The following IARS1 variants were observed in gnomAD, a reference collection of about 807,000 sequenced individuals.
The protein encoded by IARS1 is isoleucyl-tRNA synthetase 1.
Under a neutral mutation model 168.2 loss-of-function variants are expected in IARS1, and 124 were observed. The ratio of observed to expected loss-of-function variants is 0.74; its 90% CI spans 0.64 to 0.86. The LOEUF (loss-of-function observed/expected upper bound fraction) is 0.86. IARS1 is among the 40% of genes least tolerant of loss of function. IARS1 has a pLI of 0.00. For synonymous variants in IARS1, 532 were observed against 529.4 expected, an observed-to-expected ratio of 1.00 and a Z score of -0.07; for missense variants, 1,452 against 1,515.8, an observed-to-expected ratio of 0.96 and a Z score of 0.70.
At chr9:92,230,545 C>T (rs1826505391) in intron 30 of IARS1, among the ~76,000 whole-genome samples, 1 of 152,124 alleles carries the variant, frequency 6.6e-6, no homozygotes. Context: ...ATATCTGGGT[C>T]ATCTATAGTT....
At chr9:92,253,958 G>C in intron 20 of IARS1, 1 of 446,946 alleles carries the variant, frequency 2.2e-6, no homozygotes, top group South Asian at 1.6e-5. Flanking sequence ...TCAACGTTTG[G>C]AGAAACATTT....
At chr9:92,230,149 C>T (rs72750418) in intron 30 of IARS1, among the ~76,000 whole-genome samples, 4,636 of 151,042 alleles carry the variant, frequency 0.031, 110 homozygotes, top group South Asian at 0.079. Flanking sequence ...TTAGCTTTGT[C>T]GCTCAGGCTA....
chr9:92,223,464 CAGTA>C lies in IARS1; in HGVS notation c.3431_3434del (p.Leu1144Ter), dbSNP rs974379105. 3 of 1,613,080 alleles carry C rather than the reference CAGTA, an allele frequency of 1.9e-6. No homozygotes were observed. Among genetic ancestry groups the C allele is most frequent in the Admixed American group, 1.7e-5 (1 of 59,744 alleles). On this transcript the variant is annotated frameshift_variant, in exon 32 of 34. Transcript: ENST00000443024. LOFTEE classifies it high-confidence loss of function. ...CACAAAGTGTTTTTCCACTAAGACT[CAGTA>C]AGTCAGTTTGGTTTTGTATTTCTAA...
At chr9:92,269,053 G>A (rs534559838) in intron 13 of IARS1, among the ~76,000 whole-genome samples, 1 of 152,098 alleles carries the variant, frequency 6.6e-6, no homozygotes, top group South Asian at 2.1e-4. Flanking sequence ...CCCCCTCGAG[G>A]CTATCTTACT....
At chr9:92,280,612 T>G in intron 7 of IARS1, 134 bp downstream of exon 7, 1 of 513,938 alleles carries the variant, frequency 1.9e-6, no homozygotes, top group South Asian at 4.3e-5. Context: ...TGTTTAAAGT[T>G]ATTTTTCTAA....
At chr9:92,243,114 T>C (rs966824033) in intron 28 of IARS1, 102 bp downstream of exon 28, 15 of 757,812 alleles carry the variant, frequency 2.0e-5, no homozygotes, top group African/African-American at 8.6e-5. Context: ...TTGTTATGCA[T>C]TGATCACTAT....
chr9:92,288,084 A>T (rs373568908), intron 3 of IARS1, 42 bp downstream of exon 3: 15 of 1,577,260 alleles, frequency 9.5e-6, no homozygotes, highest in African/African-American at 8.2e-5. Context: ...TAATGCTTAT[A>T]AAAAAAATCA....
intron 10 of IARS1, among the ~76,000 whole-genome samples, chr9:92,273,540 T>C (rs1833385550): frequency 6.6e-6 from 1 of 152,182 alleles, no homozygotes; most frequent in Non-Finnish European, 1.5e-5. Flanking sequence ...AGCTGGATGA[T>C]GTGAAAAAAA....
intron 33 of IARS1, among the ~76,000 whole-genome samples, chr9:92,220,315 C>A: frequency 7.1e-6 from 1 of 141,110 alleles, no homozygotes; most frequent in African/African-American, 2.7e-5. Context: ...ATACCTAATG[C>A]TAGATGACGA....
chr9:92,265,342 A>G, intron 15 of IARS1, 138 bp downstream of exon 15: 1 of 853,924 alleles, frequency 1.2e-6, no homozygotes, highest in South Asian at 1.6e-5. Context: ...AGGCCACAAT[A>G]CTGCAATATG....
At chr9:92,264,475 T>A (rs1246464253) in intron 16 of IARS1, among the ~76,000 whole-genome samples, 2 of 152,146 alleles carry the variant, frequency 1.3e-5, no homozygotes. Flanking sequence ...CTCTCTCATA[T>A]GTATATTTTT....
chr9:92,266,131 A>G (rs984746625), intron 14 of IARS1, among the ~76,000 whole-genome samples: 41 of 152,350 alleles, frequency 2.7e-4, no homozygotes, highest in African/African-American at 8.7e-4. Flanking sequence ...CCTAGAGAGA[A>G]TCTTAAACAT....
intron 30 of IARS1, among the ~76,000 whole-genome samples, chr9:92,231,962 C>T (rs1826776569): frequency 6.6e-6 from 1 of 152,136 alleles, no homozygotes; most frequent in African/African-American, 2.4e-5. Context: ...TATGTTACCT[C>T]CACTACATAT....
At chr9:92,218,299 C>T (rs1437782031) in intron 33 of IARS1, among the ~76,000 whole-genome samples, 3,817 of 138,114 alleles carry the variant, frequency 0.028, 200 homozygotes, top group African/African-American at 0.1. Context: ...CTATCTATGA[C>T]AAACCCACAG....
chr9:92,239,848 G>A (rs1303350117), intron 30 of IARS1, among the ~76,000 whole-genome samples: 1 of 152,144 alleles, frequency 6.6e-6, no homozygotes, highest in Admixed American at 6.5e-5. Flanking sequence ...GTGGGTGGTG[G>A]TGGGGCCATA....
At chr9:92,221,537 G>A (rs1839660148) in intron 33 of IARS1, among the ~76,000 whole-genome samples, 1 of 152,230 alleles carries the variant, frequency 6.6e-6, no homozygotes, top group Non-Finnish European at 1.5e-5. Flanking sequence ...CATGTCTGAT[G>A]TGTAGCAGGA....
chr9:92,272,206 T>C (rs572855531), intron 10 of IARS1, among the ~76,000 whole-genome samples: 1 of 152,300 alleles, frequency 6.6e-6, no homozygotes, highest in South Asian at 2.1e-4. Flanking sequence ...TGCCTAAATA[T>C]AAAATTAAAG....
chr9:92,217,481 AG>A (rs1838912967), intron 33 of IARS1, among the ~76,000 whole-genome samples: 1 of 141,624 alleles, frequency 7.1e-6, no homozygotes, highest in African/African-American at 2.8e-5. Flanking sequence ...TAATGAATCC[AG>A]GAGCTGGTTT....
chr9:92,270,806 C>CA (rs1350336370), intron 12 of IARS1, among the ~76,000 whole-genome samples, 179 bp downstream of exon 12: 1 of 151,816 alleles, frequency 6.6e-6, no homozygotes, highest in African/African-American at 2.4e-5. Flanking sequence ...AAAACAACAA[C>CA]AAAAAAACAA....
Sources: gnomAD v4.1 joint callset for allele counts (sites outside exome capture counted in the v4.1 genomes callset) on GRCh38, gnomAD v4.1.1 for gene constraint, MANE v1.5 for transcripts, NCBI Gene and HGNC (gene_info 2026-07-23, HGNC 2026-07-21) for gene names.